TXNDC11: variants seen among roughly 807,000 people sequenced by gnomAD.
The protein encoded by TXNDC11 is thioredoxin domain-containing protein 11.
In TXNDC11, 68 loss-of-function variants were observed where a neutral mutation model predicts 78.0. The ratio of observed to expected loss-of-function variants is 0.87; its 90% CI spans 0.72 to 1.07. The LOEUF is 1.07. TXNDC11 is among the 50% of genes least tolerant of loss of function. The pLI is 0.00. For missense variants in TXNDC11, 1,389 were observed against 1,221.8 expected (o/e 1.14, Z -2.04); for synonymous variants, 571 against 495.2 (o/e 1.15, Z -2.03).
intron 1 of TXNDC11, chr16:11,742,276 C>G: frequency 2.2e-6 from 1 of 463,636 alleles, no homozygotes; most frequent in Non-Finnish European, 3.7e-6. Flanking sequence ...CACCCGGAAG[C>G]CTCGCCATAA....
chr16:11,681,417 C>T (rs145559235), intron 11 of TXNDC11, among the ~76,000 whole-genome samples: 4 of 152,352 alleles, frequency 2.6e-5, no homozygotes, highest in Admixed American at 2.6e-4. Flanking sequence ...ACTAAGAGGT[C>T]TTGGTGCACT....
In TXNDC11 at chr16:11,679,366, C is replaced by A. The variant is rs143228508; in HGVS notation, c.2706G>T (p.Glu902Asp). The A allele has an allele frequency of 3.4e-5, 55 of 1,611,436 alleles. No individual in the cohort carries two copies. The highest frequency in any genetic ancestry group is 4.1e-5 in the Non-Finnish European group (48 of 1,178,950). ...CTCCATCCCTGCCCTCCAGTTTCCT[C>A]TCCATGGTCGCCACCAGGATCTTGA... ...TWLKILVATM[E>D]RKLEGRDGAE... is the part of the protein sequence containing the mutation. The change falls in exon 12 of 12, where the codon GAG (glutamate) becomes GAT (aspartate). Residue 902 changes from glutamate to aspartate, a missense_variant. Coordinates refer to ENST00000283033, the MANE Select transcript of TXNDC11 (RefSeq NM_015914.7). The surrounding 1 kb of genome is among the most constrained non-coding windows in gnomAD (Gnocchi z 4.6).
chr16:11,707,350 T>C (rs970844862), intron 5 of TXNDC11, among the ~76,000 whole-genome samples: 9 of 146,968 alleles, frequency 6.1e-5, no homozygotes, highest in Non-Finnish European at 1.3e-4. Flanking sequence ...ATGTGGGAGG[T>C]GAAAAAAAAA....
chr16:11,697,229 A>C (rs184673789), intron 7 of TXNDC11, among the ~76,000 whole-genome samples: 1,670 of 152,296 alleles, frequency 0.011, 27 homozygotes, highest in South Asian at 0.086. Flanking sequence ...CCAGCACAGC[A>C]AAGGGAGGGA....
intron 5 of TXNDC11, among the ~76,000 whole-genome samples, chr16:11,709,259 C>CTTTTT (rs60926291): frequency 2.1e-5 from 3 of 142,252 alleles, no homozygotes; most frequent in South Asian, 2.2e-4. Context: ...AGCTGTGATT[C>CTTTTT]TTTTTTTTTT....
chr16:11,700,298 G>C (rs1373403815), intron 6 of TXNDC11, among the ~76,000 whole-genome samples, 154 bp downstream of exon 6: 2 of 152,204 alleles, frequency 1.3e-5, no homozygotes, highest in Non-Finnish European at 1.5e-5. Context: ...CTGGGCTCTA[G>C]GGTGGGGCTG....
At chr16:11,694,499 G>A (rs1336430238) in intron 7 of TXNDC11, among the ~76,000 whole-genome samples, 1 of 151,688 alleles carries the variant, frequency 6.6e-6, no homozygotes, top group African/African-American at 2.4e-5. Flanking sequence ...ACAGGCTAGA[G>A]GGCAGTGGCA....
chr16:11,699,755 T>C (rs1009749370), intron 6 of TXNDC11, among the ~76,000 whole-genome samples: 4 of 152,152 alleles, frequency 2.6e-5, no homozygotes, highest in African/African-American at 9.7e-5. Context: ...TGCAGGGAAA[T>C]TGATCTGTAT....
At chr16:11,687,230 G>A (rs1409715463) in intron 10 of TXNDC11, among the ~76,000 whole-genome samples, 9 of 151,776 alleles carry the variant, frequency 5.9e-5, no homozygotes, top group African/African-American at 1.9e-4. Flanking sequence ...CCTATTTTTT[G>A]TTTTGATTTT....
intron 9 of TXNDC11, 88 bp from the exon 10 acceptor site, chr16:11,688,054 C>T (rs2050613481): frequency 9.0e-7 from 1 of 1,105,016 alleles, no homozygotes; most frequent in Non-Finnish European, 1.4e-6. Flanking sequence ...CCAGCAAGCA[C>T]CCGAAAAATG....
At chr16:11,708,966 C>T (rs751876200) in intron 5 of TXNDC11, among the ~76,000 whole-genome samples, 22 of 152,196 alleles carry the variant, frequency 1.4e-4, no homozygotes, top group Non-Finnish European at 2.2e-4. Context: ...TTTTCAAGTT[C>T]TTCATAACCA....
intron 4 of TXNDC11, among the ~76,000 whole-genome samples, chr16:11,727,275 A>C (rs1053477635): frequency 2.0e-5 from 3 of 152,064 alleles, no homozygotes; most frequent in Admixed American, 2.0e-4. Flanking sequence ...GGAAATTATC[A>C]CACATACTCC....
intron 3 of TXNDC11, among the ~76,000 whole-genome samples, chr16:11,733,425 G>C (rs1439262094): frequency 6.6e-6 from 1 of 152,002 alleles, no homozygotes; most frequent in African/African-American, 2.4e-5. Flanking sequence ...TACTTGGGAG[G>C]CTGAGGCAGG....
chr16:11,740,383 T>C (rs2052356795), intron 1 of TXNDC11, among the ~76,000 whole-genome samples: 1 of 152,198 alleles, frequency 6.6e-6, no homozygotes, highest in African/African-American at 2.4e-5. Flanking sequence ...CATTTACTGG[T>C]TCATTCTCCT....
intron 4 of TXNDC11, among the ~76,000 whole-genome samples, chr16:11,729,181 C>G (rs986710722): frequency 6.6e-6 from 1 of 152,212 alleles, no homozygotes; most frequent in Non-Finnish European, 1.5e-5. Flanking sequence ...CAAGGATACC[C>G]TGGCCCAGGC....
chr16:11,683,494 G>C (rs1211918010), intron 11 of TXNDC11, among the ~76,000 whole-genome samples: 1 of 152,124 alleles, frequency 6.6e-6, no homozygotes, highest in African/African-American at 2.4e-5. Flanking sequence ...GGAAGGCTTG[G>C]GGCAGGCAGG....
At chr16:11,714,533 G>C (rs927466726) in intron 5 of TXNDC11, among the ~76,000 whole-genome samples, 7 of 152,000 alleles carry the variant, frequency 4.6e-5, no homozygotes, top group African/African-American at 1.4e-4. Context: ...CCAGCTACTC[G>C]GGAAGCTGAG....
At chr16:11,684,136 GC>G in intron 11 of TXNDC11, 28 bp downstream of exon 11, 1 of 1,500,520 alleles carries the variant, frequency 6.7e-7, no homozygotes, top group African/African-American at 1.4e-5. Flanking sequence ...AATCCCAACT[GC>G]CCACCAGTGA....
Position 11,694,097 on chromosome 16 carries a change from C to CTTT in TXNDC11, c.1108-2018_1108-2016dup, listed in dbSNP as rs535913245. ...AGAAAGTATTCTGTCTACAGCAATG[C>CTTT]TTTTTTTTTTTTTTTTTTTTTTTTT... On this transcript the variant is annotated intron_variant, in intron 7 of 11. Coordinates refer to ENST00000283033, the MANE Select transcript of TXNDC11 (RefSeq NM_015914.7). 7.4e-4 allele frequency among the ~76,000 whole-genome samples: 63 copies of CTTT among 85,686 alleles called. 10 individuals are homozygous for CTTT. Among genetic ancestry groups the CTTT allele is most frequent in the African/African-American group, 2.2e-3 (46 of 20,504 alleles). 56.2% of individuals were successfully genotyped at this position (85,686 alleles called of 152,430 possible). A position where few individuals can be genotyped will look rare whatever the true frequency, so the allele number is the denominator to read the frequency against.
Sources: allele counts gnomAD v4.1 joint callset (sites outside exome capture counted in the v4.1 genomes callset), GRCh38; gene constraint gnomAD v4.1.1; non-coding constraint Gnocchi (gnomAD v3.1); transcripts MANE v1.5; gene names NCBI Gene and HGNC (gene_info 2026-07-23, HGNC 2026-07-21).